The following RASGEF1B variants were observed in gnomAD, a reference collection of about 807,000 sequenced individuals.
The protein encoded by RASGEF1B is RasGEF domain family member 1B.
RASGEF1B carries 30 observed loss-of-function variants against 65.7 expected under a neutral mutation model. The observed-to-expected ratio is 0.46, with a 90% confidence interval of 0.34 to 0.62. RASGEF1B has a LOEUF of 0.62. Among genes scored for constraint, RASGEF1B ranks in the 20% least tolerant of loss-of-function variants. RASGEF1B has a pLI of 0.01. For missense variants in RASGEF1B, 495 were observed against 580.1 expected (o/e 0.85, Z 1.51); for synonymous variants, 175 against 194.8 (o/e 0.90, Z 0.85).
chr4:81,430,307 A>T (rs928847489), intron 13 of RASGEF1B, among the ~76,000 whole-genome samples: 2 of 152,148 alleles, frequency 1.3e-5, no homozygotes, highest in African/African-American at 4.8e-5. Context: ...TCTCAAACAA[A>T]CAAACAAACA....
chr4:81,429,745 A>G (rs183334563), intron 13 of RASGEF1B, among the ~76,000 whole-genome samples: 1 of 152,290 alleles, frequency 6.6e-6, no homozygotes, highest in African/African-American at 2.4e-5. Context: ...GGCACACCGA[A>G]AGATGCCAGC....
At position 81,464,715 on chromosome 4, in the gene RASGEF1B, A is replaced by G. The variant is rs559248603; in HGVS notation, c.-6-5201T>C. Among the ~76,000 whole-genome samples, 315 of 152,318 alleles carry G rather than the reference A, an allele frequency of 2.1e-3. 1 individual carries two copies. Among genetic ancestry groups the G allele is most frequent in the African/African-American group, 6.9e-3 (288 of 41,566 alleles). On this transcript the variant is annotated intron_variant, in intron 1 of 13. Transcript: ENST00000264400. ...CACAGAACCTAGATATTATTTCTCT[A>G]CGCCAAGGAAGAAGAACATGGTGGC...
intron 4 of RASGEF1B, 84 bp downstream of exon 4, chr4:81,456,567 G>T: frequency 6.9e-7 from 1 of 1,446,216 alleles, no homozygotes. Context: ...AAGCAGTGGA[G>T]ATTAGGATGC....
chr4:81,447,661 C>T (rs1372484607), intron 5 of RASGEF1B, 83 bp from the exon 6 acceptor site: 3 of 950,304 alleles, frequency 3.2e-6, no homozygotes, highest in Non-Finnish European at 5.1e-6. Flanking sequence ...ACTATTGGCA[C>T]CACCCCCCAT....
chr4:81,435,794 T>A (rs1431245140), intron 10 of RASGEF1B, among the ~76,000 whole-genome samples: 1 of 146,666 alleles, frequency 6.8e-6, no homozygotes, highest in Non-Finnish European at 1.5e-5. Flanking sequence ...TTTTTTTTTT[T>A]TTTAAGAGAC....
At chr4:81,441,283 T>C (rs892726186) in intron 9 of RASGEF1B, among the ~76,000 whole-genome samples, 2 of 152,166 alleles carry the variant, frequency 1.3e-5, no homozygotes, top group South Asian at 2.1e-4. Context: ...TGGTTAGCCA[T>C]GCATAGTGAT....
At chr4:81,461,900 A>G (rs1261215446) in intron 1 of RASGEF1B, among the ~76,000 whole-genome samples, 1 of 152,220 alleles carries the variant, frequency 6.6e-6, no homozygotes, top group Non-Finnish European at 1.5e-5. Context: ...ACTCCCCTGC[A>G]CCAAGTACTC....
intron 9 of RASGEF1B, among the ~76,000 whole-genome samples, chr4:81,442,090 G>C (rs777974342): frequency 6.6e-6 from 1 of 152,132 alleles, no homozygotes; most frequent in Non-Finnish European, 1.5e-5. Context: ...ATTAACCCCA[G>C]AATGGACATC....
intron 1 of RASGEF1B, among the ~76,000 whole-genome samples, 155 bp from the exon 2 acceptor site, chr4:81,459,669 A>T (rs1722575335): frequency 6.6e-6 from 1 of 152,344 alleles, no homozygotes; most frequent in Admixed American, 6.5e-5. Flanking sequence ...GCCCATCAGG[A>T]ACCAAATTGC....
At chr4:81,453,163 A>G (rs1415911605) in intron 4 of RASGEF1B, 1 of 152,194 alleles carries the variant, frequency 6.6e-6, no homozygotes, top group Admixed American at 6.5e-5. Flanking sequence ...AGAGAATACT[A>G]GGTGCCAGGT....
chr4:81,456,461 T>C (rs1202877295), intron 4 of RASGEF1B, 190 bp downstream of exon 4: 1 of 713,256 alleles, frequency 1.4e-6, no homozygotes, highest in Non-Finnish European at 2.6e-6. Flanking sequence ...CTAGATCATA[T>C]CCCTTTGAAG....
At chr4:81,442,191 G>A in intron 9 of RASGEF1B, 106 bp downstream of exon 9, 3 of 759,838 alleles carry the variant, frequency 3.9e-6, no homozygotes, top group Non-Finnish European at 4.6e-6. Flanking sequence ...AAGATAGATG[G>A]GCTTTTTCCT....
chr4:81,469,636 T>C (rs1440451817), intron 1 of RASGEF1B, among the ~76,000 whole-genome samples: 1 of 146,188 alleles, frequency 6.8e-6, no homozygotes, highest in Non-Finnish European at 1.5e-5. Context: ...TGTATATATG[T>C]ACATATATGT....
chr4:81,443,016 C>T (rs1350189925), intron 8 of RASGEF1B, among the ~76,000 whole-genome samples: 2 of 152,142 alleles, frequency 1.3e-5, no homozygotes, highest in East Asian at 3.9e-4. Context: ...GCTAAAGTTC[C>T]AGGGAGTAAG....
Position 81,426,727 on chromosome 4 carries a change from A to G in RASGEF1B, c.*1041T>C, listed in dbSNP as rs1329213807. 1.3e-5 allele frequency: 2 copies of G among 152,296 alleles called. No individual in the cohort carries two copies. Among genetic ancestry groups the G allele is most frequent in the Non-Finnish European group, 2.9e-5 (2 of 68,036 alleles). 9.4% of individuals were successfully genotyped at this position (152,296 alleles called of 1,614,324 possible). On this transcript the variant is annotated 3_prime_UTR_variant, in exon 14 of 14. Transcript: ENST00000264400. ...TTTTTCATCTGTTTTGTTTACTGCT[A>G]TAGTGGGGACAGGTAACTTCTCCAA...
chr4:81,447,607 T>A, intron 5 of RASGEF1B, 29 bp from the exon 6 acceptor site: 1 of 1,573,224 alleles, frequency 6.4e-7, no homozygotes. Context: ...AGGTCAACAG[T>A]ATTAAAGAAA....
At chr4:81,467,618 T>C (rs916685595) in intron 1 of RASGEF1B, among the ~76,000 whole-genome samples, 1 of 152,194 alleles carries the variant, frequency 6.6e-6, no homozygotes, top group African/African-American at 2.4e-5. Flanking sequence ...GTTGGCACTT[T>C]GTAGCAGTAA....
At chr4:81,437,177 T>C (rs1489454993) in intron 10 of RASGEF1B, among the ~76,000 whole-genome samples, 2 of 152,256 alleles carry the variant, frequency 1.3e-5, no homozygotes, top group Admixed American at 6.5e-5. Flanking sequence ...TGGCAAACTG[T>C]GGCCCTCAGG....
intron 11 of RASGEF1B, among the ~76,000 whole-genome samples, 183 bp downstream of exon 11, chr4:81,434,456 T>A (rs1013556190): frequency 1.3e-5 from 2 of 152,206 alleles, no homozygotes; most frequent in African/African-American, 4.8e-5. Flanking sequence ...ATAATCATCA[T>A]CATAATGGCT....
Sources: allele counts gnomAD v4.1 joint callset (sites outside exome capture counted in the v4.1 genomes callset), GRCh38; gene constraint gnomAD v4.1.1; transcripts MANE v1.5; gene names NCBI Gene and HGNC (gene_info 2026-07-23, HGNC 2026-07-21).